ABCA6: variants seen among roughly 807,000 people sequenced by gnomAD.
ABCA6 encodes ATP binding cassette subfamily A member 6.
Under a neutral mutation model 191.2 loss-of-function variants are expected in ABCA6, and 164 were observed. That is an observed-to-expected ratio of 0.86 (90% CI 0.76 to 0.98). The LOEUF is 0.98. ABCA6 is among the 50% of genes least tolerant of loss of function. The pLI, the probability that ABCA6 is intolerant of heterozygous loss-of-function variation, is 0.00. For missense variants in ABCA6, 1,958 were observed against 1,894.1 expected (o/e 1.03, Z -0.63); for synonymous variants, 636 against 647.7 (o/e 0.98, Z 0.27).
At chr17:69,099,048 G>T (rs377077004) in intron 22 of ABCA6, among the ~76,000 whole-genome samples, 1 of 152,056 alleles carries the variant, frequency 6.6e-6, no homozygotes, top group Non-Finnish European at 1.5e-5. Context: ...CAAACCCAGA[G>T]ATGGAAACCT....
chr17:69,088,372 A>T (rs1253679312), intron 27 of ABCA6, 114 bp from the exon 28 acceptor site: 7 of 767,868 alleles, frequency 9.1e-6, no homozygotes, highest in Non-Finnish European at 1.4e-5. Context: ...GATCATTCTC[A>T]TAAGCTGGGG....
rs1277063577 is a variant in ABCA6, at chr17:69,137,457, A to G, written c.140T>C (p.Phe47Ser). The G allele has an allele frequency of 6.2e-7, 1 of 1,613,628 alleles. No homozygotes were observed. The highest frequency in any genetic ancestry group is 8.5e-7 in the Non-Finnish European group (1 of 1,179,786). Residue 47 changes from phenylalanine to serine, a missense_variant, in exon 3 of 39, where the codon TTT (phenylalanine) becomes TCT (serine). By Grantham distance (155) the Phe-to-Ser change is radical (BLOSUM62 -2). Transcript: ENST00000284425. ...CTGGACATTTCTCATGGAACTGGAA[A>G]ACAGAGCAATACACAGTCCTAGAAG... ...SILLGLCIAL[F>S]SSSMRNVQFP...
intron 6 of ABCA6, among the ~76,000 whole-genome samples, chr17:69,131,848 G>C (rs550785136): frequency 1.3e-5 from 2 of 152,122 alleles, no homozygotes; most frequent in Non-Finnish European, 2.9e-5. Context: ...TTAATATAGA[G>C]TTGACTCATG....
In ABCA6 at chr17:69,085,101, A is replaced by G; in HGVS notation, c.4111T>C (p.Leu1371=). The change falls in exon 32 of 39, where the codon TTG becomes CTG. Residue 1371 remains leucine, a synonymous_variant. Transcript: ENST00000284425. The part of the protein sequence containing the change: ...QENVLWPMLT[L]REHLEVYAAV... Reference sequence around the variant, plus strand: ...GCATACACCTCCAGGTGTTCCCTCAACGTCAGCATGGGCCACAGCACGTTC... The same window carrying G: ...GCATACACCTCCAGGTGTTCCCTCAGCGTCAGCATGGGCCACAGCACGTTC... 4 of 1,613,506 alleles carry G rather than the reference A, an allele frequency of 2.5e-6. No homozygotes were observed. The highest frequency in any genetic ancestry group is 3.4e-6 in the Non-Finnish European group (4 of 1,179,790).
At position 69,084,437 on chromosome 17, in the gene ABCA6, T is replaced by C; in HGVS notation, c.4255A>G (p.Arg1419Gly). Residue 1419 changes from arginine to glycine, a missense_variant, in exon 33 of 39, where the codon AGA (arginine) becomes GGA (glycine). Transcript: ENST00000284425. The part of the protein sequence containing the change: ...PVQKLTAGIT[R>G]KLCFVLSLLG... Reference sequence around the variant, plus strand: ...GCATCACACACCGCACGTACCTTTCTCGTGATTCCTGCTGTTAATTTCTGC... The same window carrying C: ...GCATCACACACCGCACGTACCTTTCCCGTGATTCCTGCTGTTAATTTCTGC... 1 of 1,614,186 alleles carries C rather than the reference T, an allele frequency of 6.2e-7. No individual in the cohort carries two copies. Among genetic ancestry groups the C allele is most frequent in the Non-Finnish European group, 8.5e-7 (1 of 1,180,014 alleles).
rs1393913095 is a variant in ABCA6, at chr17:69,100,875, C to A, written c.2934G>T (p.Met978Ile). 3 of 1,611,358 alleles carry A rather than the reference C, an allele frequency of 1.9e-6. No homozygotes were observed. The highest frequency in any genetic ancestry group is 2.5e-6 in the Non-Finnish European group (3 of 1,178,324). ...GAAGTAGCCCATTGCTGATAATATTCATAAGAATTGGAAAACAGTGCAATC... is the reference window on the plus strand; with the variant it reads ...GAAGTAGCCCATTGCTGATAATATTAATAAGAATTGGAAAACAGTGCAATC... ...TKRLHCFPIL[M>I]NIISNGLLQM... The change falls in exon 22 of 39, where the codon ATG becomes ATT. Residue 978 changes from methionine to isoleucine, a missense_variant. Transcript: ENST00000284425.
chr17:69,098,035 T>C lies in ABCA6; in HGVS notation c.3013-8A>G, dbSNP rs987753247. On this transcript the variant is annotated splice_region_variant and splice_polypyrimidine_tract_variant and intron_variant, in intron 22 of 38. Coordinates refer to ENST00000284425, the MANE Select transcript of ABCA6 (RefSeq NM_080284.3). The stretch of plus-strand genomic sequence containing the variant: ...CCAGAGTCCTATGTGGCTCTGAAAA[T>C]ATAAAGGGTAGCTTAAACTAGTGAA... 1.3e-6 allele frequency: 2 copies of C among 1,557,148 alleles called. No homozygotes were observed. The highest frequency in any genetic ancestry group is 1.4e-5 in the African/African-American group (1 of 71,480).
At chr17:69,137,052 C>G (rs1185248333) in intron 3 of ABCA6, among the ~76,000 whole-genome samples, 1 of 152,030 alleles carries the variant, frequency 6.6e-6, no homozygotes, top group Non-Finnish European at 1.5e-5. Flanking sequence ...AAGTATAAAT[C>G]TGGGTTTAGT....
chr17:69,095,834 C>T (rs1466707100), intron 25 of ABCA6, among the ~76,000 whole-genome samples: 1 of 152,198 alleles, frequency 6.6e-6, no homozygotes, highest in African/African-American at 2.4e-5. Context: ...TAACAAGTAA[C>T]CTGGCATAAG....
chr17:69,108,528 G>A (rs552383855), intron 17 of ABCA6: 1 of 152,304 alleles, frequency 6.6e-6, no homozygotes, highest in East Asian at 1.9e-4. Flanking sequence ...CATGAGAGTA[G>A]AGACACATAT....
chr17:69,112,133 T>C, intron 16 of ABCA6, 50 bp downstream of exon 16: 2 of 1,321,224 alleles, frequency 1.5e-6, no homozygotes, highest in South Asian at 2.4e-5. Flanking sequence ...ACCTTTTTCA[T>C]ATACCAGTAT....
chr17:69,140,612 A>G lies in ABCA6; in HGVS notation c.92T>C (p.Leu31Ser), dbSNP rs780907607. 1.9e-6 allele frequency: 3 copies of G among 1,594,858 alleles called. No individual in the cohort carries two copies. Among genetic ancestry groups the G allele is most frequent in the Non-Finnish European group, 2.6e-6 (3 of 1,171,430 alleles). Reference sequence around the variant, plus strand: ...GAGACAAATTTTTAAACATACCAATAAGCTCTCTCTTTTCATCCTCCATTT... The same window carrying G: ...GAGACAAATTTTTAAACATACCAATGAGCTCTCTCTTTTCATCCTCCATTT... ...LKKWRMKRES[L>S]LEWGLSILLG... The change falls in exon 2 of 39, where the codon TTA becomes TCA. Residue 31 changes from leucine to serine, a missense_variant. Transcript: ENST00000284425.
At chr17:69,134,013 A>G in intron 5 of ABCA6, 146 bp from the exon 6 acceptor site, 1 of 555,578 alleles carries the variant, frequency 1.8e-6, no homozygotes, top group African/African-American at 1.9e-5. Flanking sequence ...AGTAAAGGCA[A>G]CTGGATGAAG....
At chr17:69,091,425 A>C (rs188096679) in intron 25 of ABCA6, among the ~76,000 whole-genome samples, 163 bp from the exon 26 acceptor site, 21 of 152,362 alleles carry the variant, frequency 1.4e-4, no homozygotes, top group African/African-American at 5.1e-4. Flanking sequence ...ACAATAGGGA[A>C]GAAGCTTTTG....
In ABCA6 at chr17:69,091,523, C is replaced by CTT. The variant is rs1196866549; in HGVS notation, c.3409-263_3409-262dup. The stretch of plus-strand genomic sequence containing the variant: ...AAAGCTAAAATGACCAAATAGACTT[C>CTT]TTTTTTTTTTTTTTTTTGAGACGGA... On this transcript the variant is annotated intron_variant, in intron 25 of 38. Transcript: ENST00000284425. 1.6e-4 allele frequency among the ~76,000 whole-genome samples: 12 copies of CTT among 76,406 alleles called. 2 individuals are homozygous for CTT. Among genetic ancestry groups the CTT allele is most frequent in the African/African-American group, 5.4e-4 (8 of 14,828 alleles). 50.1% of individuals were successfully genotyped at this position (76,406 alleles called of 152,430 possible).
chr17:69,136,364 T>C lies in ABCA6; in HGVS notation c.302-114A>G, dbSNP rs138711112. 315 of 909,794 alleles carry C rather than the reference T, an allele frequency of 3.5e-4. 4 individuals carry two copies. The East Asian group carries it at 9.1e-3, about 26-fold the overall frequency. 56.4% of individuals were successfully genotyped at this position (909,794 alleles called of 1,614,324 possible). ...TTCATTAGACTTAAATTAAAATCAT[T>C]TTCCATTTAAATCAATTTTAACCCA... On this transcript the variant is annotated intron_variant, in intron 3 of 38. Transcript: ENST00000284425.
At chr17:69,086,049 A>C (rs2072779729) in intron 30 of ABCA6, among the ~76,000 whole-genome samples, 1 of 152,198 alleles carries the variant, frequency 6.6e-6, no homozygotes, top group Non-Finnish European at 1.5e-5. Context: ...TTGAGAAGTT[A>C]GGGATATTTT....
Position 69,097,970 on chromosome 17 carries a change from G to A in ABCA6, c.3070C>T (p.Leu1024=), listed in dbSNP as rs775861936. ...GTGATATAAGGAGAAATGCTACATA[G>A]AACCAAAAATAAGAAAAAGGAACCA... The part of the protein sequence containing the change: ...PDGSFFLFLV[L]CSISPYITMG... The change falls in exon 23 of 39, where the codon CTA becomes TTA. Residue 1024 remains leucine (L), a synonymous_variant. Coordinates refer to ENST00000284425, the MANE Select transcript of ABCA6 (RefSeq NM_080284.3). 8 of 1,611,324 alleles carry A rather than the reference G, an allele frequency of 5.0e-6. No homozygotes were observed. Among genetic ancestry groups the A allele is most frequent in the Non-Finnish European group, 5.9e-6 (7 of 1,179,006 alleles).
intron 10 of ABCA6, among the ~76,000 whole-genome samples, chr17:69,120,682 T>C (rs1435416459): frequency 6.6e-6 from 1 of 152,104 alleles, no homozygotes; most frequent in Non-Finnish European, 1.5e-5. Flanking sequence ...TAATGTTTTG[T>C]TTTAATAAAG....
Sources: allele counts gnomAD v4.1 joint callset (sites outside exome capture counted in the v4.1 genomes callset), GRCh38; gene constraint gnomAD v4.1.1; transcripts MANE v1.5; gene names NCBI Gene and HGNC (gene_info 2026-07-23, HGNC 2026-07-21).